MICAL2: variants seen among roughly 807,000 people sequenced by gnomAD.
MICAL2 encodes the protein [F-actin]-monooxygenase MICAL2.
In MICAL2, 77 loss-of-function variants were observed where a neutral mutation model predicts 127.3. That is an observed-to-expected ratio of 0.60 (90% CI 0.50 to 0.73). MICAL2 has a LOEUF of 0.73. MICAL2 is among the 30% of genes least tolerant of loss of function. The pLI, the probability that MICAL2 is intolerant of heterozygous loss-of-function variation, is 0.00. For synonymous variants in MICAL2, 570 were observed against 551.1 expected (o/e 1.03, Z -0.48); for missense variants, 1,351 against 1,434.4 (o/e 0.94, Z 0.94).
At chr11:12,350,821 C>G (rs1243333298) in intron 33 of MICAL2, among the ~76,000 whole-genome samples, 1 of 152,152 alleles carries the variant, frequency 6.6e-6, no homozygotes, top group Non-Finnish European at 1.5e-5. Context: ...GACTGGATGG[C>G]TTACAACAGA....
At chr11:12,247,369 G>A (rs1018058134) in intron 21 of MICAL2, among the ~76,000 whole-genome samples, 1 of 152,166 alleles carries the variant, frequency 6.6e-6, no homozygotes, top group African/African-American at 2.4e-5. Flanking sequence ...GCCAGCGTTG[G>A]CCATTAGATG....
At chr11:12,120,170 T>C (rs1850389404) in intron 1 of MICAL2, among the ~76,000 whole-genome samples, 1 of 152,244 alleles carries the variant, frequency 6.6e-6, no homozygotes, top group African/African-American at 2.4e-5. Flanking sequence ...GGGCTTAGAA[T>C]TCCCACCTTT....
chr11:12,348,577 A>T (rs1256414984), intron 32 of MICAL2, among the ~76,000 whole-genome samples: 1 of 152,124 alleles, frequency 6.6e-6, no homozygotes, highest in East Asian at 1.9e-4. Flanking sequence ...CACAGAGAAA[A>T]GGGAACTAAT....
intron 12 of MICAL2, among the ~76,000 whole-genome samples, chr11:12,223,868 T>G: frequency 6.6e-6 from 1 of 152,194 alleles, no homozygotes; most frequent in East Asian, 1.9e-4. Context: ...CTTTTCCTGA[T>G]CATCCTGAGC....
intron 32 of MICAL2, among the ~76,000 whole-genome samples, chr11:12,344,687 G>A (rs944136558): frequency 1.3e-5 from 2 of 150,030 alleles, no homozygotes; most frequent in South Asian, 2.1e-4. Context: ...TTTCAGTAGA[G>A]ACGGGGTTTC....
intron 19 of MICAL2, 25 bp downstream of exon 19, chr11:12,242,457 C>T: frequency 2.5e-6 from 4 of 1,583,112 alleles, no homozygotes; most frequent in Non-Finnish European, 3.4e-6. Flanking sequence ...TTTTGCCCGT[C>T]TCTGTCCGTG....
intron 2 of MICAL2, among the ~76,000 whole-genome samples, chr11:12,158,275 C>T (rs1241540949): frequency 6.6e-6 from 1 of 152,162 alleles, no homozygotes; most frequent in African/African-American, 2.4e-5. Context: ...GTATATAACT[C>T]CTTGACCCAG....
At chr11:12,167,669 C>T (rs920551513) in intron 3 of MICAL2, among the ~76,000 whole-genome samples, 13 of 152,078 alleles carry the variant, frequency 8.5e-5, no homozygotes, top group Admixed American at 2.6e-4. Context: ...AAACTCTGTG[C>T]GAGTTGAAGA....
chr11:12,125,284 C>T (rs1476785662), intron 1 of MICAL2, among the ~76,000 whole-genome samples: 1 of 152,210 alleles, frequency 6.6e-6, no homozygotes. Context: ...GACGGAGTCT[C>T]GCTCTGTCAC....
At chr11:12,245,189 G>C (rs1229748245) in intron 21 of MICAL2, among the ~76,000 whole-genome samples, 1 of 152,158 alleles carries the variant, frequency 6.6e-6, no homozygotes, top group Non-Finnish European at 1.5e-5. Flanking sequence ...CTCATGAGCT[G>C]TTGCTCATGG....
chr11:12,294,182 G>A (rs1274247049), downstream of MICAL2: 1 of 1,614,012 alleles, frequency 6.2e-7, no homozygotes, highest in Admixed American at 1.7e-5. Context: ...GGAGAAGATG[G>A]GGACCCCTGC....
chr11:12,139,357 G>A (rs985119461), intron 2 of MICAL2, among the ~76,000 whole-genome samples: 3 of 152,172 alleles, frequency 2.0e-5, no homozygotes, highest in Non-Finnish European at 2.9e-5. Context: ...CCTTCTCTCC[G>A]GGAGCTTTCC....
At chr11:12,291,541 C>T (rs1590723775), downstream of MICAL2, among the ~76,000 whole-genome samples, 1 of 152,126 alleles carries the variant, frequency 6.6e-6, no homozygotes, top group East Asian at 1.9e-4. Context: ...GTTCCCTGAC[C>T]AACAGGAGCT....
downstream of MICAL2, among the ~76,000 whole-genome samples, chr11:12,264,975 G>T (rs892359482): frequency 2.6e-4 from 40 of 152,304 alleles, no homozygotes; most frequent in African/African-American, 9.4e-4. Flanking sequence ...TCATTTGTTT[G>T]CTCAACTCTG....
At chr11:12,126,371 T>C (rs55868045) in intron 1 of MICAL2, among the ~76,000 whole-genome samples, 11,068 of 152,250 alleles carry the variant, frequency 0.073, 467 homozygotes, top group Admixed American at 0.13. Context: ...GCTTTACAAA[T>C]CATCTCGTCT....
Position 12,224,737 on chromosome 11 carries a change from T to G in MICAL2, c.1605T>G (p.His535Gln), listed in dbSNP as rs148242106. The G allele has an allele frequency of 6.2e-7, 1 of 1,614,076 alleles. No homozygotes were observed. The highest frequency in any genetic ancestry group is 8.5e-7 in the Non-Finnish European group (1 of 1,180,030). The stretch of plus-strand genomic sequence containing the variant: ...AGCAGCAGACAGAGGGCTACCAGCA[T>G]GTCAACGTCACCGACCTGACCACAT... ...WCQQQTEGYQ[H>Q]VNVTDLTTSW... is the part of the protein sequence containing the mutation. Residue 535 changes from histidine (H) to glutamine (Q), a missense_variant, in exon 13 of 28, where the codon CAT becomes CAG. Physicochemically the swap from His to Gln is conservative, Grantham distance 24. This residue lies in a region of MICAL2 where 599 missense variants were observed against 714.9 expected (regional missense o/e 0.84). Transcript: ENST00000683283.
intron 30 of MICAL2, among the ~76,000 whole-genome samples, chr11:12,322,279 C>T (rs1322878654): frequency 2.0e-5 from 3 of 152,136 alleles, no homozygotes; most frequent in Non-Finnish European, 2.9e-5. Flanking sequence ...CTCTGGATGA[C>T]AGTTACCATT....
intron 21 of MICAL2, among the ~76,000 whole-genome samples, chr11:12,244,356 A>G (rs1016574898): frequency 8.5e-5 from 13 of 152,236 alleles, no homozygotes; most frequent in Non-Finnish European, 1.9e-4. Flanking sequence ...ATCAGGGCCC[A>G]CCGTATGCCA....
intron 29 of MICAL2, among the ~76,000 whole-genome samples, chr11:12,310,920 T>A (rs1246342087): frequency 2.0e-5 from 3 of 152,112 alleles, no homozygotes; most frequent in South Asian, 2.1e-4. Flanking sequence ...GGGTTTTTTT[T>A]ATTTGTTTGT....
Sources: gnomAD v4.1 joint callset for allele counts (sites outside exome capture counted in the v4.1 genomes callset) on GRCh38, gnomAD v4.1.1 for gene constraint, gnomAD v4.1.1 regional missense constraint, MANE v1.5 for transcripts, NCBI Gene and HGNC (gene_info 2026-07-23, HGNC 2026-07-21) for gene names.